The following VTI1A variants were observed in gnomAD, a reference collection of about 807,000 sequenced individuals.
VTI1A encodes the protein vesicle transport through interaction with t-SNAREs 1A.
In VTI1A, 22 loss-of-function variants were observed where a neutral mutation model predicts 34.9. The observed-to-expected ratio is 0.63, with a 90% confidence interval of 0.45 to 0.90. The LOEUF is 0.90. Among genes scored for constraint, VTI1A ranks in the 40% least tolerant of loss-of-function variants. The pLI is 0.00. For synonymous variants in VTI1A, 87 were observed against 97.3 expected (o/e 0.89, Z 0.62); for missense variants, 268 against 275.6 (o/e 0.97, Z 0.20).
chr10:112,705,118 C>T (rs1368240689), intron 7 of VTI1A, among the ~76,000 whole-genome samples: 1 of 150,644 alleles, frequency 6.6e-6, no homozygotes, highest in African/African-American at 2.4e-5. Context: ...TGTCTGGGCT[C>T]GTCTGAACTC....
At chr10:112,657,283 C>A (rs1209813195) in intron 5 of VTI1A, among the ~76,000 whole-genome samples, 1 of 152,162 alleles carries the variant, frequency 6.6e-6, no homozygotes, top group Non-Finnish European at 1.5e-5. Context: ...CTATATTTTT[C>A]AGGCTTAATA....
intron 3 of VTI1A, among the ~76,000 whole-genome samples, chr10:112,505,946 T>C (rs1197576977): frequency 1.3e-5 from 2 of 152,192 alleles, no homozygotes; most frequent in South Asian, 4.1e-4. Context: ...CTATCCATAG[T>C]ATAGTATAAT....
intron 5 of VTI1A, among the ~76,000 whole-genome samples, chr10:112,554,767 A>G (rs1314239918): frequency 2.0e-5 from 3 of 152,028 alleles, no homozygotes; most frequent in Admixed American, 6.6e-5. Flanking sequence ...CTCTAAGAAT[A>G]TTTGCCTCTT....
intron 7 of VTI1A, among the ~76,000 whole-genome samples, chr10:112,687,090 G>A (rs1374515040): frequency 6.6e-6 from 1 of 152,028 alleles, no homozygotes; most frequent in African/African-American, 2.4e-5. Flanking sequence ...GTGAATGGAG[G>A]GGTAGAGGGG....
intron 5 of VTI1A, among the ~76,000 whole-genome samples, chr10:112,544,237 G>T (rs988957923): frequency 1.3e-5 from 2 of 152,090 alleles, no homozygotes; most frequent in Non-Finnish European, 2.9e-5. Flanking sequence ...TAGCTTGATG[G>T]GGATGGCATT....
At position 112,767,618 on chromosome 10, in the gene VTI1A, A is replaced by C. The variant is rs957060829; in HGVS notation, c.561-47672A>C. ...GGGAGGAGAAACTCCCTAATGTTAA[A>C]TGCATTCGTTTGAGTTTTCAACTAA... On this transcript the variant is annotated intron_variant, in intron 7 of 7. Coordinates refer to ENST00000393077, the MANE Select transcript of VTI1A (RefSeq NM_145206.4). The surrounding 1 kb of genome is among the most constrained non-coding windows in gnomAD (Gnocchi z 4.0). Among the ~76,000 whole-genome samples, 2 of 152,174 alleles carry C rather than the reference A, an allele frequency of 1.3e-5. No individual in the cohort carries two copies. Among genetic ancestry groups the C allele is most frequent in the African/African-American group, 4.8e-5 (2 of 41,430 alleles).
At chr10:112,828,873 C>A in the VTI1A span, among the ~76,000 whole-genome samples, 4 of 150,024 alleles carry the variant, frequency 2.7e-5, no homozygotes, top group East Asian at 5.9e-4. Flanking sequence ...AAACAAACCA[C>A]ACACACATAA....
intron 3 of VTI1A, among the ~76,000 whole-genome samples, chr10:112,519,582 C>T (rs1222749839): frequency 6.6e-6 from 1 of 152,062 alleles, no homozygotes; most frequent in Non-Finnish European, 1.5e-5. Flanking sequence ...CTAGGTGAAT[C>T]GTTCATCCAA....
intron 3 of VTI1A, among the ~76,000 whole-genome samples, chr10:112,495,224 TA>T (rs141020491): frequency 0.24 from 32,956 of 135,074 alleles, 3,853 homozygotes; most frequent in East Asian, 0.63. Context: ...TTTTTTTAGT[TA>T]AAAAAAAATT....
At chr10:112,670,346 T>A (rs528019258) in intron 7 of VTI1A, among the ~76,000 whole-genome samples, 2 of 152,148 alleles carry the variant, frequency 1.3e-5, no homozygotes, top group African/African-American at 4.8e-5. Flanking sequence ...AAAAAAATGA[T>A]GTGGTTATTT....
At chr10:112,563,299 A>G (rs950961046) in intron 5 of VTI1A, among the ~76,000 whole-genome samples, 3 of 152,192 alleles carry the variant, frequency 2.0e-5, no homozygotes, top group Non-Finnish European at 4.4e-5. Context: ...CCCAGTTAAG[A>G]CTGCAAACAA....
chr10:112,842,361 C>A, the VTI1A span, among the ~76,000 whole-genome samples: 1 of 152,126 alleles, frequency 6.6e-6, no homozygotes, highest in East Asian at 1.9e-4. Context: ...CCCATTACAG[C>A]CAGGTGTTTA....
chr10:112,788,049 GA>G (rs1437824294), intron 7 of VTI1A, among the ~76,000 whole-genome samples: 4 of 151,342 alleles, frequency 2.6e-5, no homozygotes, highest in Non-Finnish European at 2.9e-5. Flanking sequence ...TGTGATTAGA[GA>G]ACATATTTTT....
intron 7 of VTI1A, among the ~76,000 whole-genome samples, chr10:112,700,685 G>T (rs1848980151): frequency 6.6e-6 from 1 of 152,180 alleles, no homozygotes; most frequent in Non-Finnish European, 1.5e-5. Context: ...CATAGCTATT[G>T]TATAAGTCAA....
At chr10:112,716,117 G>A (rs1452435466) in intron 7 of VTI1A, among the ~76,000 whole-genome samples, 1 of 152,170 alleles carries the variant, frequency 6.6e-6, no homozygotes, top group African/African-American at 2.4e-5. Context: ...GAGGAAGAAG[G>A]CATGGAGGAT....
At chr10:112,480,722 G>T (rs561451834) in intron 3 of VTI1A, among the ~76,000 whole-genome samples, 2 of 152,150 alleles carry the variant, frequency 1.3e-5, no homozygotes, top group South Asian at 4.2e-4. Context: ...GGAAGGGGAG[G>T]ACTGGAGTGT....
chr10:112,465,871 A>C (rs1257285385), intron 3 of VTI1A, among the ~76,000 whole-genome samples: 5 of 152,176 alleles, frequency 3.3e-5, no homozygotes, highest in Non-Finnish European at 5.9e-5. Flanking sequence ...ATATTATGTG[A>C]TTTTACCGCA....
intron 7 of VTI1A, among the ~76,000 whole-genome samples, chr10:112,768,527 T>C (rs1851711061): frequency 6.6e-6 from 1 of 152,200 alleles, no homozygotes; most frequent in Non-Finnish European, 1.5e-5. Flanking sequence ...TTTTCTCCTT[T>C]TTTGCATGTT....
chr10:112,723,086 A>C (rs1411133412), intron 7 of VTI1A, among the ~76,000 whole-genome samples: 1 of 152,206 alleles, frequency 6.6e-6, no homozygotes, highest in Non-Finnish European at 1.5e-5. Flanking sequence ...TTGTAAATCA[A>C]GATAATAATA....
Sources: gnomAD v4.1 joint callset for allele counts (sites outside exome capture counted in the v4.1 genomes callset) on GRCh38, gnomAD v4.1.1 for gene constraint, Gnocchi (gnomAD v3.1) non-coding constraint, MANE v1.5 for transcripts, NCBI Gene and HGNC (gene_info 2026-07-23, HGNC 2026-07-21) for gene names.